The following THOC2 variants were observed in gnomAD, a reference collection of about 807,000 sequenced individuals.
THOC2 encodes the protein THO complex 2.
Under a neutral mutation model 128.4 loss-of-function variants are expected in THOC2, and 10 were observed. That is an observed-to-expected ratio of 0.08 (90% CI 0.05 to 0.13). THOC2 has a LOEUF of 0.13. Among genes scored for constraint, THOC2 ranks in the 10% least tolerant of loss-of-function variants. The pLI is 1.00. For missense variants in THOC2, 535 were observed against 1,155.7 expected, an observed-to-expected ratio of 0.46 and a Z score of 7.79; for synonymous variants, 393 against 396.9, an observed-to-expected ratio of 0.99 and a Z score of 0.12.
chrX:123,613,325 T>A lies in THOC2; in HGVS notation c.4677+74A>T, dbSNP rs750847078. ...AAAGACTATAGGACTAGGAAAAAAA[T>A]TCAATATTTGCTAAATTTTCAGGAT... On this transcript the variant is annotated intron_variant, in intron 36 of 38. Transcript: ENST00000245838. The A allele has an allele frequency of 4.7e-6, 5 of 1,058,630 alleles. No individual in the cohort carries two copies. The South Asian group carries it at 6.0e-5, about 13-fold the overall frequency. The allele number at this position is 1,058,630 out of a possible 1,213,427, so 87.2% of individuals were successfully genotyped here. A position where few individuals can be genotyped will look rare whatever the true frequency, so the allele number is the denominator to read the frequency against.
intron 2 of THOC2, among the ~76,000 whole-genome samples, chrX:123,708,772 AAC>A (rs1210802906): frequency 8.9e-6 from 1 of 111,767 alleles, no homozygotes; most frequent in Non-Finnish European, 1.9e-5. Context: ...TTTCTTTTGA[AAC>A]AGAGTCTCGC....
At chrX:123,730,951 A>G (rs781315947) in intron 1 of THOC2, among the ~76,000 whole-genome samples, 22 of 109,315 alleles carry the variant, frequency 2.0e-4, no homozygotes, top group South Asian at 7.6e-4. Context: ...CTCAAGGGGG[A>G]AAAAAAAAAG....
At chrX:123,651,949 C>T (rs757345065) in intron 12 of THOC2, among the ~76,000 whole-genome samples, 4 of 111,545 alleles carry the variant, frequency 3.6e-5, no homozygotes, top group East Asian at 5.6e-4. Context: ...GCTCATTTTA[C>T]GAGGCCAGCA....
intron 2 of THOC2, among the ~76,000 whole-genome samples, chrX:123,707,606 T>C (rs1226348941): frequency 1.8e-5 from 2 of 111,372 alleles, no homozygotes; most frequent in African/African-American, 6.5e-5. Flanking sequence ...TGAAAAAAGA[T>C]ATTTTGGTTT....
intron 1 of THOC2, among the ~76,000 whole-genome samples, chrX:123,727,860 G>A (rs1448791751): frequency 8.9e-6 from 1 of 112,725 alleles, no homozygotes; most frequent in Non-Finnish European, 1.9e-5. Context: ...TCTGTCAAAA[G>A]ATGTATGGAA....
chrX:123,701,734 T>G (rs1377318124), intron 4 of THOC2, among the ~76,000 whole-genome samples: 4 of 109,256 alleles, frequency 3.7e-5, no homozygotes, highest in African/African-American at 1.3e-4. Flanking sequence ...TCACTAAAAA[T>G]TTTAGCTTAA....
chrX:123,660,516 G>A (rs1304583274), intron 12 of THOC2, among the ~76,000 whole-genome samples: 2 of 111,688 alleles, frequency 1.8e-5, no homozygotes, highest in Non-Finnish European at 3.8e-5. Context: ...CTGTATAGTG[G>A]AGAAACCTGG....
chrX:123,679,138 T>C (rs763174115), intron 8 of THOC2, among the ~76,000 whole-genome samples: 1 of 111,221 alleles, frequency 9.0e-6, no homozygotes, highest in Non-Finnish European at 1.9e-5. Context: ...TCGAACCCAC[T>C]TCCCTTGCCA....
chrX:123,648,006 G>A (rs1049648114), intron 12 of THOC2, among the ~76,000 whole-genome samples: 1 of 111,074 alleles, frequency 9.0e-6, no homozygotes, highest in Non-Finnish European at 1.9e-5. Context: ...TCACGGGTTC[G>A]GTGGCTGGCA....
In THOC2 at chrX:123,622,784, T is replaced by A; in HGVS notation, c.3759A>T (p.Ser1253=). 8.3e-7 allele frequency: 1 copy of A among 1,198,394 alleles called. No homozygotes were observed. The highest frequency in any genetic ancestry group is 1.1e-6 in the Non-Finnish European group (1 of 884,437). Residue 1253 remains serine, a synonymous_variant, in exon 30 of 39, where the codon TCA becomes TCT. Transcript: ENST00000245838. ...TGTTAGAGCCACTATTTCCATTGCT[T>A]GAATTCCCTTTAGGTGTGGTACTAG... The part of the protein sequence containing the change: ...KASSTTPKGN[S]SNGNSGSNSN...
Position 123,632,911 on chromosome X carries a change from G to C in THOC2, c.2266C>G (p.Gln756Glu). ...MAQQRNGVIF[Q>E]EGGEKHLKLV... ...TTCAAATGTTTCTCTCCACCTTCCTGAAAGATTACCCCATTTCTCTGCTGA... is the reference window on the plus strand; with the variant it reads ...TTCAAATGTTTCTCTCCACCTTCCTCAAAGATTACCCCATTTCTCTGCTGA... Residue 756 changes from glutamine to glutamate, a missense_variant, in exon 21 of 39, where the codon CAG (glutamine) becomes GAG (glutamate). Physicochemically the swap from Gln to Glu is conservative, Grantham distance 29. This residue lies in a region of THOC2 where 90 missense variants were observed against 298.6 expected (regional missense o/e 0.30). Coordinates refer to ENST00000245838, the MANE Select transcript of THOC2 (RefSeq NM_001081550.2). The C allele has an allele frequency of 8.3e-7, 1 of 1,209,945 alleles. No homozygotes were observed. The highest frequency in any genetic ancestry group is 1.1e-6 in the Non-Finnish European group (1 of 894,286).
intron 1 of THOC2, among the ~76,000 whole-genome samples, chrX:123,718,954 T>C (rs2051555062): frequency 9.1e-6 from 1 of 110,371 alleles, no homozygotes; most frequent in South Asian, 3.8e-4. Flanking sequence ...GGTGGGCGGA[T>C]CATGAGGTCA....
At chrX:123,706,814 G>A in intron 3 of THOC2, 44 bp downstream of exon 3, 1 of 611,301 alleles carries the variant, frequency 1.6e-6, no homozygotes, top group South Asian at 5.3e-5. Context: ...AAAGCAAAAA[G>A]ATATATAACA....
At position 123,621,593 on chromosome X, in the gene THOC2, G is replaced by A; in HGVS notation, c.3786-6C>T. On this transcript the variant is annotated splice_region_variant and splice_polypyrimidine_tract_variant and intron_variant, in intron 30 of 38. Coordinates refer to ENST00000245838, the MANE Select transcript of THOC2 (RefSeq NM_001081550.2). The stretch of plus-strand genomic sequence containing the variant: ...TTTCTTTAACAGCTTTGTTGCTTAA[G>A]AATAAAAACATGGGATTTTAACACA... 2.8e-6 allele frequency: 3 copies of A among 1,071,574 alleles called. No homozygotes were observed. Among genetic ancestry groups the A allele is most frequent in the Non-Finnish European group, 3.7e-6 (3 of 801,511 alleles). The allele number at this position is 1,071,574 out of a possible 1,213,427, so 88.3% of individuals were successfully genotyped here.
At chrX:123,620,632 A>C in intron 32 of THOC2, 1 of 279,069 alleles carries the variant, frequency 3.6e-6, no homozygotes, top group Non-Finnish European at 6.3e-6. Flanking sequence ...AGACTGCTTA[A>C]AGCAGTTGAG....
chrX:123,691,804 T>C (rs2050230814), intron 7 of THOC2, among the ~76,000 whole-genome samples: 1 of 112,658 alleles, frequency 8.9e-6, no homozygotes, highest in Non-Finnish European at 1.9e-5. Flanking sequence ...AGCTCCGTGA[T>C]TAGTTGTTAG....
intron 1 of THOC2, among the ~76,000 whole-genome samples, chrX:123,725,616 CAAA>C (rs56708326): frequency 9.2e-5 from 3 of 32,763 alleles, no homozygotes; most frequent in East Asian, 2.1e-3. Context: ...GACCCTATCT[CAAA>C]AAAAAAAAAA....
Position 123,697,768 on chromosome X carries a change from GAA to G in THOC2, c.275-19_275-18del, listed in dbSNP as rs776672947. 1 of 864,147 alleles carries G rather than the reference GAA, an allele frequency of 1.2e-6. No individual in the cohort carries two copies. Among genetic ancestry groups the G allele is most frequent in the East Asian group, 3.4e-5 (1 of 29,588 alleles). The allele number at this position is 864,147 out of a possible 1,213,427, so 71.2% of individuals were successfully genotyped here. A position where few individuals can be genotyped will look rare whatever the true frequency, so the allele number is the denominator to read the frequency against. On this transcript the variant is annotated intron_variant, in intron 4 of 38. Coordinates refer to ENST00000245838, the MANE Select transcript of THOC2 (RefSeq NM_001081550.2). ...TCTCAATGTCTATAATGATGAAGAAGAAAAAAGTTTGATTGATTTGTCTAGAC... is the reference window on the plus strand; with the variant it reads ...TCTCAATGTCTATAATGATGAAGAAGAAAAGTTTGATTGATTTGTCTAGAC...
intron 15 of THOC2, 126 bp from the exon 16 acceptor site, chrX:123,640,748 A>G (rs1000053335): frequency 2.6e-6 from 1 of 385,011 alleles, no homozygotes; most frequent in African/African-American, 2.6e-5. Context: ...GGATTCATGT[A>G]AACAACTACA....
Sources: gnomAD v4.1 joint callset for allele counts (sites outside exome capture counted in the v4.1 genomes callset) on GRCh38, gnomAD v4.1.1 for gene constraint, gnomAD v4.1.1 regional missense constraint, MANE v1.5 for transcripts, NCBI Gene and HGNC (gene_info 2026-07-23, HGNC 2026-07-21) for gene names.